Variants in BAZ2B observed in about 807,000 individuals in gnomAD.
The protein encoded by BAZ2B is bromodomain adjacent to zinc finger domain protein 2B.
Under a neutral mutation model 246.0 loss-of-function variants are expected in BAZ2B, and 91 were observed. The observed-to-expected ratio is 0.37, with a 90% CI of 0.31 to 0.44. The LOEUF (loss-of-function observed/expected upper bound fraction) is 0.44. BAZ2B is among the 20% of genes least tolerant of loss of function. The probability of loss-of-function intolerance (pLI) is 1.00; values close to 1 mark genes in which losing one functional copy is unlikely to be tolerated. For synonymous variants in BAZ2B, 855 were observed against 860.0 expected (o/e 0.99, Z 0.10); for missense variants, 2,332 against 2,533.7 (o/e 0.92, Z 1.71).
At chr2:159,491,867 T>TGA (rs747068902) in intron 2 of BAZ2B, among the ~76,000 whole-genome samples, 1 of 152,048 alleles carries the variant, frequency 6.6e-6, no homozygotes, top group Non-Finnish European at 1.5e-5. Context: ...CTATTAATAA[T>TGA]TAACTATTAT....
intron 3 of BAZ2B, chr2:159,462,447 C>A: frequency 8.2e-7 from 1 of 1,220,598 alleles, no homozygotes; most frequent in South Asian, 1.2e-5. Context: ...TTGTTCCAGT[C>A]AATTTTGGTG....
At chr2:159,489,915 A>T (rs774454122) in intron 2 of BAZ2B, among the ~76,000 whole-genome samples, 1 of 152,172 alleles carries the variant, frequency 6.6e-6, no homozygotes, top group African/African-American at 2.4e-5. Context: ...TGTCTCAAAA[A>T]AGTTAGAAAA....
At chr2:159,453,970 A>G (rs1188968270) in intron 3 of BAZ2B, among the ~76,000 whole-genome samples, 169 bp from the exon 4 acceptor site, 5 of 152,156 alleles carry the variant, frequency 3.3e-5, no homozygotes, top group Admixed American at 3.3e-4. Context: ...GTTTCTAGAA[A>G]CATGAAGACA....
intron 20 of BAZ2B, among the ~76,000 whole-genome samples, chr2:159,392,693 T>C (rs1339115871): frequency 6.6e-6 from 1 of 152,214 alleles, no homozygotes; most frequent in Non-Finnish European, 1.5e-5. Flanking sequence ...AGTAGTGATA[T>C]GACTGTAATA....
intron 1 of BAZ2B, among the ~76,000 whole-genome samples, chr2:159,569,391 T>A (rs889661572): frequency 3.3e-5 from 5 of 152,074 alleles, no homozygotes; most frequent in Admixed American, 6.6e-5. Flanking sequence ...TTTCCTTATA[T>A]CTAGGCAAGA....
At chr2:159,534,689 G>A (rs541177173) in intron 2 of BAZ2B, among the ~76,000 whole-genome samples, 27 of 150,612 alleles carry the variant, frequency 1.8e-4, no homozygotes, top group African/African-American at 6.3e-4. Flanking sequence ...GGGCAGTGGC[G>A]CCCACCTCTC....
At chr2:159,655,352 C>A in the BAZ2B span, among the ~76,000 whole-genome samples, 1 of 152,208 alleles carries the variant, frequency 6.6e-6, no homozygotes, top group Non-Finnish European at 1.5e-5. Flanking sequence ...CCTCCATAAA[C>A]CCACCTCCAG....
intron 24 of BAZ2B, 145 bp from the exon 25 acceptor site, chr2:159,382,947 T>TA (rs2062177158): frequency 8.9e-7 from 1 of 1,127,128 alleles, no homozygotes; most frequent in Admixed American, 3.1e-5. Context: ...AAAATTAGAA[T>TA]TAGGAAACTT....
At chr2:159,480,067 G>A (rs1290452812) in intron 2 of BAZ2B, among the ~76,000 whole-genome samples, 1 of 152,090 alleles carries the variant, frequency 6.6e-6, no homozygotes, top group East Asian at 1.9e-4. Context: ...AATGAACTCT[G>A]AGACATGTGG....
At chr2:159,563,527 T>C (rs2090079861) in intron 1 of BAZ2B, among the ~76,000 whole-genome samples, 1 of 152,256 alleles carries the variant, frequency 6.6e-6, no homozygotes, top group South Asian at 2.1e-4. Flanking sequence ...ACAACATGGA[T>C]GAACCTTAAA....
intron 20 of BAZ2B, 97 bp from the exon 21 acceptor site, chr2:159,389,582 C>A: frequency 9.1e-7 from 1 of 1,103,110 alleles, no homozygotes; most frequent in South Asian, 2.2e-5. Context: ...TTTTGCTTTT[C>A]ATTAATCTTA....
the BAZ2B span, among the ~76,000 whole-genome samples, chr2:159,711,300 T>C: frequency 6.6e-6 from 1 of 152,250 alleles, no homozygotes; most frequent in African/African-American, 2.4e-5. Flanking sequence ...CTTATTTTCA[T>C]TTCATATCCT....
chr2:159,394,920 C>A (rs1432323411), intron 20 of BAZ2B, among the ~76,000 whole-genome samples: 1 of 152,130 alleles, frequency 6.6e-6, no homozygotes, highest in Non-Finnish European at 1.5e-5. Flanking sequence ...AACAATACAC[C>A]TATTTTCTCT....
chr2:159,518,329 C>T (rs1480825800), intron 2 of BAZ2B, among the ~76,000 whole-genome samples: 1 of 152,202 alleles, frequency 6.6e-6, no homozygotes, highest in African/African-American at 2.4e-5. Context: ...GACTTGCCCT[C>T]AGAGCTGACA....
chr2:159,320,317 T>C lies in BAZ2B; in HGVS notation c.6455A>G (p.Asn2152Ser). The change falls in exon 37 of 37, where the codon AAT (asparagine) becomes AGT (serine). Residue 2152 changes from asparagine (N) to serine (S), a missense_variant. By Grantham distance (46) the Asn-to-Ser change is conservative. Transcript: ENST00000392783. ...DDSDIGRAGH[N>S]MRKYFEKKWT... is the part of the protein sequence containing the mutation. The stretch of plus-strand genomic sequence containing the variant: ...CTTTTTTTCAAAATACTTCCTCATA[T>C]TGTGGCCAGCTCTGCCTATATCAGA... 6.3e-7 allele frequency: 1 copy of C among 1,575,328 alleles called. No homozygotes were observed. The highest frequency in any genetic ancestry group is 8.5e-7 in the Non-Finnish European group (1 of 1,170,488).
At chr2:159,580,761 T>C (rs1578594695) in intron 1 of BAZ2B, among the ~76,000 whole-genome samples, 1 of 151,936 alleles carries the variant, frequency 6.6e-6, no homozygotes, top group African/African-American at 2.4e-5. Context: ...GAAATAATAC[T>C]ACACATCTAC....
At chr2:159,423,875 T>C (rs546186813) in intron 13 of BAZ2B, among the ~76,000 whole-genome samples, 87 of 152,124 alleles carry the variant, frequency 5.7e-4, no homozygotes, top group Non-Finnish European at 1.1e-3. Flanking sequence ...GGGAAAGTGG[T>C]GGCGGGGGAT....
chr2:159,580,825 C>G (rs1177729048), intron 1 of BAZ2B, among the ~76,000 whole-genome samples: 1 of 152,070 alleles, frequency 6.6e-6, no homozygotes, highest in Non-Finnish European at 1.5e-5. Flanking sequence ...GAAAGGATTC[C>G]CTATTTAATA....
At chr2:159,425,423 C>T (rs887534479) in intron 13 of BAZ2B, among the ~76,000 whole-genome samples, 7 of 152,144 alleles carry the variant, frequency 4.6e-5, no homozygotes, top group Admixed American at 6.5e-5. Flanking sequence ...TCAAGTGATC[C>T]GCCTGCCTCA....
Sources: gnomAD v4.1 joint callset for allele counts (sites outside exome capture counted in the v4.1 genomes callset) on GRCh38, gnomAD v4.1.1 for gene constraint, MANE v1.5 for transcripts, NCBI Gene and HGNC (gene_info 2026-07-23, HGNC 2026-07-21) for gene names.